GPR176: variants seen among roughly 807,000 people sequenced by gnomAD.
GPR176 encodes G protein-coupled receptor 176.
In GPR176, 26 loss-of-function variants were observed where a neutral mutation model predicts 35.4. The ratio of observed to expected loss-of-function variants is 0.74; its 90% CI spans 0.54 to 1.02. GPR176 has a LOEUF of 1.02. GPR176 is among the 50% of genes least tolerant of loss of function. The pLI, the probability that GPR176 is intolerant of heterozygous loss-of-function variation, is 0.00. For synonymous variants in GPR176, 278 were observed against 271.3 expected, an observed-to-expected ratio of 1.02 and a Z score of -0.24; for missense variants, 597 against 665.3, an observed-to-expected ratio of 0.90 and a Z score of 1.13.
chr15:39,855,329 G>A (rs1393055745), intron 1 of GPR176, among the ~76,000 whole-genome samples: 2 of 152,082 alleles, frequency 1.3e-5, no homozygotes, highest in South Asian at 2.1e-4. Context: ...CCCCAATTTC[G>A]TCTTGTGTGT....
chr15:39,914,091 T>C (rs1181815694), intron 1 of GPR176, among the ~76,000 whole-genome samples: 2 of 152,146 alleles, frequency 1.3e-5, no homozygotes, highest in African/African-American at 4.8e-5. Context: ...TGAGTTGTAC[T>C]CTTTAATTGG....
intron 1 of GPR176, among the ~76,000 whole-genome samples, chr15:39,905,118 C>G (rs1036908331): frequency 6.6e-6 from 1 of 152,194 alleles, no homozygotes; most frequent in Non-Finnish European, 1.5e-5. Flanking sequence ...AGACTAGACT[C>G]CTGTGTTCAA....
intron 1 of GPR176, among the ~76,000 whole-genome samples, chr15:39,825,417 T>C (rs1405416296): frequency 6.6e-6 from 1 of 152,156 alleles, no homozygotes. Context: ...ATAATGTGAA[T>C]ATACCTTTCT....
At chr15:39,885,017 A>G (rs1364345476) in intron 1 of GPR176, among the ~76,000 whole-genome samples, 1 of 152,232 alleles carries the variant, frequency 6.6e-6, no homozygotes, top group African/African-American at 2.4e-5. Flanking sequence ...AAAAACCATC[A>G]ACTTAAACCT....
At chr15:39,829,218 G>C in intron 1 of GPR176, 1 of 1,511,146 alleles carries the variant, frequency 6.6e-7, no homozygotes, top group Non-Finnish European at 8.8e-7. Flanking sequence ...CCCCAACACT[G>C]AGAACAAAGA....
intron 1 of GPR176, among the ~76,000 whole-genome samples, chr15:39,903,082 T>C (rs913062709): frequency 6.6e-6 from 1 of 152,248 alleles, no homozygotes; most frequent in African/African-American, 2.4e-5. Context: ...GTTAGATGAT[T>C]TTCTCCAACT....
chr15:39,818,346 A>G (rs372311181), intron 1 of GPR176, among the ~76,000 whole-genome samples: 1 of 152,258 alleles, frequency 6.6e-6, no homozygotes, highest in Admixed American at 6.5e-5. Flanking sequence ...AGTTGAATTA[A>G]CAGGAAGAAG....
At chr15:39,855,253 C>T (rs1241564441) in intron 1 of GPR176, among the ~76,000 whole-genome samples, 3 of 152,078 alleles carry the variant, frequency 2.0e-5, no homozygotes, top group African/African-American at 7.2e-5. Flanking sequence ...TATTTTACTC[C>T]AAAACTCCAA....
At chr15:39,829,091 A>G in intron 1 of GPR176, 2 of 1,178,354 alleles carry the variant, frequency 1.7e-6, no homozygotes, top group Non-Finnish European at 2.4e-6. Context: ...CCAAAGTTCT[A>G]GAAATAAGAA....
At position 39,800,960 on chromosome 15, in the gene GPR176, G is replaced by C. The variant is rs1210261506; in HGVS notation, c.*172C>G. 1.6e-6 allele frequency: 1 copy of C among 617,096 alleles called. No homozygotes were observed. The highest frequency in any genetic ancestry group is 1.8e-5 in the African/African-American group (1 of 54,356). The allele number at this position is 617,096 out of a possible 1,614,324, so 38.2% of individuals were successfully genotyped here. A position where few individuals can be genotyped will look rare whatever the true frequency, so the allele number is the denominator to read the frequency against. ...ATACATATACTCCCTCAATAAAGAG[G>C]ACACTGGATTTTATGTAGATTTCCC... On this transcript the variant is annotated 3_prime_UTR_variant, in exon 3 of 3. Coordinates refer to ENST00000561100, the MANE Select transcript of GPR176 (RefSeq NM_007223.3).
chr15:39,887,962 G>A (rs968547691), intron 1 of GPR176, among the ~76,000 whole-genome samples: 1 of 151,548 alleles, frequency 6.6e-6, no homozygotes, highest in Non-Finnish European at 1.5e-5. Flanking sequence ...TCACCAGCCT[G>A]GAGAGGGCAC....
chr15:39,861,241 A>T (rs2031568581), intron 1 of GPR176, among the ~76,000 whole-genome samples: 1 of 152,170 alleles, frequency 6.6e-6, no homozygotes, highest in Non-Finnish European at 1.5e-5. Context: ...AGAGTGTCTG[A>T]AATAATTTAA....
Position 39,862,233 on chromosome 15 carries a change from A to C in GPR176, c.173-54975T>G, listed in dbSNP as rs1305388074. On this transcript the variant is annotated intron_variant, in intron 1 of 2. Transcript: ENST00000561100. ...GTATAGGGAATAGAAAAAGAAAAGA[A>C]AAATGTGTATTACGAGTAATTTTGC... 2.0e-5 allele frequency: 3 copies of C among 152,254 alleles called. No individual in the cohort carries two copies. The East Asian group carries it at 5.8e-4, about 29-fold the overall frequency. 9.4% of individuals were successfully genotyped at this position (152,254 alleles called of 1,614,324 possible).
intron 1 of GPR176, among the ~76,000 whole-genome samples, chr15:39,851,089 CA>C (rs1213480690): frequency 6.6e-6 from 1 of 152,144 alleles, no homozygotes; most frequent in Non-Finnish European, 1.5e-5. Flanking sequence ...GAACAACTGT[CA>C]GACAGATAAT....
rs531471921 is a variant in GPR176, at chr15:39,860,172, T to C, written c.173-52914A>G. ...ATGAATTAACAATGGTGTGAATACA[T>C]GCTTTTCATTAGTGGATGAGAGGAT... On this transcript the variant is annotated intron_variant, in intron 1 of 2. Transcript: ENST00000561100. Among the ~76,000 whole-genome samples, 3 of 152,354 alleles carry C rather than the reference T, an allele frequency of 2.0e-5. No individual in the cohort carries two copies. The South Asian group carries it at 6.2e-4, about 32-fold the overall frequency.
At chr15:39,807,288 T>C in intron 1 of GPR176, 30 bp from the exon 2 acceptor site, 5 of 1,367,696 alleles carry the variant, frequency 3.7e-6, no homozygotes, top group Non-Finnish European at 4.8e-6. Context: ...AATAAAATAA[T>C]TTAAATAAAA....
At chr15:39,824,369 G>A (rs1283750332) in intron 1 of GPR176, among the ~76,000 whole-genome samples, 4 of 152,142 alleles carry the variant, frequency 2.6e-5, no homozygotes, top group Non-Finnish European at 5.9e-5. Flanking sequence ...CCAAACAACC[G>A]TTCCTTCTGC....
chr15:39,877,149 C>T (rs1032251574), intron 1 of GPR176, among the ~76,000 whole-genome samples: 1 of 152,106 alleles, frequency 6.6e-6, no homozygotes, highest in Admixed American at 6.5e-5. Flanking sequence ...CATGTTGGTC[C>T]TCAGTGCTAT....
intron 1 of GPR176, among the ~76,000 whole-genome samples, chr15:39,845,319 C>A (rs1299033269): frequency 6.6e-6 from 1 of 151,908 alleles, no homozygotes; most frequent in Non-Finnish European, 1.5e-5. Context: ...TGCAAATAAG[C>A]AACTAAGTGT....
Sources: allele counts gnomAD v4.1 joint callset (sites outside exome capture counted in the v4.1 genomes callset), GRCh38; gene constraint gnomAD v4.1.1; transcripts MANE v1.5; gene names NCBI Gene and HGNC (gene_info 2026-07-23, HGNC 2026-07-21).